Variants in GPC6 observed in about 807,000 individuals in gnomAD.
GPC6 encodes glypican-6.
GPC6 carries 14 observed loss-of-function variants against 55.2 expected under a neutral mutation model. The observed-to-expected ratio is 0.25, with a 90% CI of 0.17 to 0.40. The LOEUF (loss-of-function observed/expected upper bound fraction) is 0.40, where lower values mean the gene tolerates loss of function less well. GPC6 is among the 10% of genes least tolerant of loss of function. GPC6 has a pLI of 1.00. For missense variants in GPC6, 641 were observed against 708.5 expected (o/e 0.90, Z 1.08); for synonymous variants, 278 against 259.6 (o/e 1.07, Z -0.68).
chr13:93,839,191 T>C (rs1229465349), intron 3 of GPC6, among the ~76,000 whole-genome samples: 1 of 152,102 alleles, frequency 6.6e-6, no homozygotes, highest in African/African-American at 2.4e-5. Flanking sequence ...AGTGGTTTAA[T>C]TGGTTGGGAA....
chr13:93,553,179 T>A (rs1875249897), intron 2 of GPC6, among the ~76,000 whole-genome samples: 1 of 152,202 alleles, frequency 6.6e-6, no homozygotes, highest in African/African-American at 2.4e-5. Context: ...TTTATGTTCC[T>A]TAGTGATAAG....
intron 8 of GPC6, among the ~76,000 whole-genome samples, chr13:94,401,944 T>TGATTGATAGATAGATA (rs879527236): frequency 4.7e-5 from 7 of 149,854 alleles, no homozygotes; most frequent in African/African-American, 1.2e-4. Context: ...ATTGATTGAT[T>TGATTGATAGATAGATA]GATAGATAGA....
chr13:94,318,491 ATC>A (rs1876654966), intron 6 of GPC6, among the ~76,000 whole-genome samples: 1 of 152,202 alleles, frequency 6.6e-6, no homozygotes, highest in South Asian at 2.1e-4. Context: ...ATTGAATATC[ATC>A]TCTCGTGCGT....
chr13:93,946,789 G>A (rs1178421249), intron 3 of GPC6, among the ~76,000 whole-genome samples: 1 of 152,108 alleles, frequency 6.6e-6, no homozygotes, highest in African/African-American at 2.4e-5. Flanking sequence ...TTCAACTTGG[G>A]TTTTGGCTCC....
In GPC6 at chr13:93,912,526, A is replaced by G. The variant is rs188344149; in HGVS notation, c.711+81981A>G. Among the ~76,000 whole-genome samples, 457 of 152,094 alleles carry G rather than the reference A, an allele frequency of 3.0e-3. 4 individuals are homozygous for G. Among genetic ancestry groups the G allele is most frequent in the African/African-American group, 6.3e-3 (260 of 41,466 alleles). ...TGGGAGGCCAAGGCGGGCGGATCAC[A>G]AGGTCAGGAGATCGAGACCATCCTG... On this transcript the variant is annotated intron_variant, in intron 3 of 8. Coordinates refer to ENST00000377047, the MANE Select transcript of GPC6 (RefSeq NM_005708.5).
At chr13:93,385,170 A>C (rs1334026539) in intron 1 of GPC6, among the ~76,000 whole-genome samples, 3 of 152,248 alleles carry the variant, frequency 2.0e-5, no homozygotes, top group Admixed American at 6.5e-5. Context: ...ATAAGGAACC[A>C]GACACGCAAA....
intron 6 of GPC6, among the ~76,000 whole-genome samples, chr13:94,351,826 G>T (rs1340481208): frequency 6.6e-6 from 1 of 151,782 alleles, no homozygotes; most frequent in Non-Finnish European, 1.5e-5. Context: ...TCCCTTATGG[G>T]TTTGAGTCAG....
intron 4 of GPC6, among the ~76,000 whole-genome samples, chr13:94,251,810 G>A (rs1483089957): frequency 1.3e-5 from 2 of 151,222 alleles, no homozygotes; most frequent in East Asian, 1.9e-4. Context: ...ACCACCAATT[G>A]TCTCATGGAT....
intron 1 of GPC6, among the ~76,000 whole-genome samples, chr13:93,454,546 C>T (rs1270886872): frequency 6.6e-6 from 1 of 150,668 alleles, no homozygotes; most frequent in Non-Finnish European, 1.5e-5. Context: ...AAACCCTGAG[C>T]TAGACACAGG....
At chr13:93,355,298 T>C (rs576649643) in intron 1 of GPC6, among the ~76,000 whole-genome samples, 3 of 152,278 alleles carry the variant, frequency 2.0e-5, no homozygotes, top group South Asian at 2.1e-4. Flanking sequence ...AGGTGTGTGC[T>C]ACTGTAAGGC....
At chr13:93,455,490 C>A (rs1878417228) in intron 1 of GPC6, among the ~76,000 whole-genome samples, 1 of 151,876 alleles carries the variant, frequency 6.6e-6, no homozygotes, top group Middle Eastern at 3.4e-3. Context: ...GCCTGTCTCC[C>A]CAAGAGAAAA....
intron 1 of GPC6, among the ~76,000 whole-genome samples, chr13:93,453,807 G>C (rs1878321882): frequency 6.6e-6 from 1 of 152,038 alleles, no homozygotes; most frequent in African/African-American, 2.4e-5. Context: ...CATAAAAGCA[G>C]CGTGGACCCA....
intron 6 of GPC6, 145 bp from the exon 7 acceptor site, chr13:94,382,269 G>A: frequency 1.2e-6 from 1 of 817,088 alleles, no homozygotes; most frequent in Non-Finnish European, 2.0e-6. Flanking sequence ...AAACCCTGCA[G>A]TGCAGTGTCT....
At chr13:93,555,664 T>TA (rs1180359039) in intron 2 of GPC6, among the ~76,000 whole-genome samples, 7 of 152,266 alleles carry the variant, frequency 4.6e-5, no homozygotes, top group Non-Finnish European at 4.4e-5. Flanking sequence ...GTTCTTATCA[T>TA]AAAAAACAGG....
intron 2 of GPC6, among the ~76,000 whole-genome samples, chr13:93,590,098 A>T (rs1204082517): frequency 1.3e-5 from 2 of 152,134 alleles, no homozygotes; most frequent in African/African-American, 4.8e-5. Context: ...ATTGTGTTGT[A>T]GTTTTTTGGA....
chr13:93,913,388 T>C (rs192088227), intron 3 of GPC6, among the ~76,000 whole-genome samples: 2 of 152,320 alleles, frequency 1.3e-5, no homozygotes, highest in African/African-American at 4.8e-5. Context: ...AGAAAGGATG[T>C]TGGTGGTCAC....
intron 4 of GPC6, among the ~76,000 whole-genome samples, chr13:94,077,695 G>T (rs185171478): frequency 6.6e-6 from 1 of 151,696 alleles, no homozygotes; most frequent in Non-Finnish European, 1.5e-5. Flanking sequence ...ATTAAATTTT[G>T]TCAAATGCCT....
At chr13:94,264,282 G>A (rs1891730751) in intron 4 of GPC6, among the ~76,000 whole-genome samples, 1 of 152,214 alleles carries the variant, frequency 6.6e-6, no homozygotes, top group Non-Finnish European at 1.5e-5. Flanking sequence ...GAAGCAGTTA[G>A]ATATTCATTT....
At chr13:94,142,735 A>T (rs1887426806) in intron 4 of GPC6, among the ~76,000 whole-genome samples, 1 of 152,016 alleles carries the variant, frequency 6.6e-6, no homozygotes, top group South Asian at 2.1e-4. Flanking sequence ...GATATAAAAT[A>T]TAGTATTTCC....
Sources: gnomAD v4.1 joint callset for allele counts (sites outside exome capture counted in the v4.1 genomes callset) on GRCh38, gnomAD v4.1.1 for gene constraint, MANE v1.5 for transcripts, NCBI Gene and HGNC (gene_info 2026-07-23, HGNC 2026-07-21) for gene names.